The following RGS5 variants were observed in gnomAD, a reference collection of about 807,000 sequenced individuals.
The protein encoded by RGS5 is regulator of G protein signaling 5.
RGS5 carries 20 observed loss-of-function variants against 18.9 expected under a neutral mutation model. That is an observed-to-expected ratio of 1.06 (90% CI 0.74 to 1.54). The LOEUF (loss-of-function observed/expected upper bound fraction) is 1.54, where lower values mean the gene tolerates loss of function less well. Among genes scored for constraint, RGS5 ranks in the 40% most tolerant of loss-of-function variants. The pLI is 0.00. For synonymous variants in RGS5, 57 were observed against 76.2 expected (o/e 0.75, Z 1.31); for missense variants, 201 against 211.8 (o/e 0.95, Z 0.32).
chr1:163,217,539 T>C lies in RGS5; in HGVS notation c.56A>G (p.His19Arg), dbSNP rs772699704. The stretch of plus-strand genomic sequence containing the variant: ...ATTTGTACATACATTGATATGCCAA[T>C]GAGCACTGTGCATCTGTAAGATGAG... The change falls in exon 1 of 6, where the codon CAT (histidine) becomes CGT (arginine). Residue 19 changes from histidine to arginine, a missense_variant. Physicochemically the swap from His to Arg is conservative, Grantham distance 29 (BLOSUM62 0). Coordinates refer to the RGS5 transcript ENST00000367903. 1.4e-5 allele frequency: 21 copies of C among 1,543,632 alleles called. No homozygotes were observed. The South Asian group carries it at 2.3e-4, about 17-fold the overall frequency.
chr1:163,259,221 G>A (rs573433514), intron 2 of RGS5, among the ~76,000 whole-genome samples: 10 of 151,606 alleles, frequency 6.6e-5, no homozygotes, highest in African/African-American at 1.2e-4. Flanking sequence ...GCGTGATCTC[G>A]GCTCACTGCA....
intron 1 of RGS5, among the ~76,000 whole-genome samples, chr1:163,317,017 CA>C (rs1650045093): frequency 6.6e-6 from 1 of 152,170 alleles, no homozygotes; most frequent in South Asian, 2.1e-4. Flanking sequence ...TTCAATATAA[CA>C]TAAACTTTTT....
At chr1:163,216,158 C>T (rs886127218) in intron 1 of RGS5, among the ~76,000 whole-genome samples, 2 of 152,082 alleles carry the variant, frequency 1.3e-5, no homozygotes, top group Non-Finnish European at 2.9e-5. Context: ...AGAGCTTTAC[C>T]TGTGCTAATG....
At chr1:163,148,426 T>A (rs1158478240) in intron 4 of RGS5, among the ~76,000 whole-genome samples, 2 of 152,262 alleles carry the variant, frequency 1.3e-5, no homozygotes, top group East Asian at 3.9e-4. Context: ...TAACAGCAAT[T>A]AACATTTATT....
At chr1:163,156,941 A>T (rs191775571) in intron 3 of RGS5, among the ~76,000 whole-genome samples, 1 of 152,198 alleles carries the variant, frequency 6.6e-6, no homozygotes, top group African/African-American at 2.4e-5. Context: ...TTATTATAAT[A>T]ATTATTTTCA....
At chr1:163,250,214 G>C (rs187376966) in intron 2 of RGS5, among the ~76,000 whole-genome samples, 1 of 152,290 alleles carries the variant, frequency 6.6e-6, no homozygotes, top group South Asian at 2.1e-4. Flanking sequence ...CTGAGCATTA[G>C]AGAGAGAGGA....
chr1:163,214,053 C>G (rs962375384), intron 1 of RGS5, among the ~76,000 whole-genome samples: 2 of 152,020 alleles, frequency 1.3e-5, no homozygotes, highest in African/African-American at 4.8e-5. Flanking sequence ...GTCTTCAAAT[C>G]CCTCTTCTAT....
At chr1:163,150,593 T>C (rs1436386233) in intron 4 of RGS5, among the ~76,000 whole-genome samples, 3 of 152,166 alleles carry the variant, frequency 2.0e-5, no homozygotes, top group African/African-American at 7.2e-5. Flanking sequence ...AGCTAACATA[T>C]GTGCTTAGGG....
intron 2 of RGS5, among the ~76,000 whole-genome samples, chr1:163,271,850 G>A (rs1648727804): frequency 6.6e-6 from 1 of 152,128 alleles, no homozygotes. Context: ...TATGTTTAAT[G>A]TTTTTAAGAC....
intron 2 of RGS5, among the ~76,000 whole-genome samples, chr1:163,263,841 T>G (rs1216251592): frequency 6.6e-6 from 1 of 151,276 alleles, no homozygotes; most frequent in East Asian, 1.9e-4. Flanking sequence ...TTTTTTATGT[T>G]GTTTTTAAGT....
At chr1:163,206,267 G>T (rs1045124809), upstream of RGS5, among the ~76,000 whole-genome samples, 1 of 152,018 alleles carries the variant, frequency 6.6e-6, no homozygotes, top group Non-Finnish European at 1.5e-5. Context: ...AGGGCTGTGA[G>T]AAATCAATTT....
At chr1:163,222,944 C>G (rs955173924) in intron 2 of RGS5, among the ~76,000 whole-genome samples, 1 of 152,026 alleles carries the variant, frequency 6.6e-6, no homozygotes. Context: ...ACTGCAACCT[C>G]CACCTCCCAG....
At chr1:163,278,374 C>T (rs1648909496) in intron 2 of RGS5, among the ~76,000 whole-genome samples, 1 of 152,088 alleles carries the variant, frequency 6.6e-6, no homozygotes, top group Non-Finnish European at 1.5e-5. Context: ...CTATACCCAA[C>T]AAATCTATCC....
At chr1:163,160,644 C>T (rs1168526006) in intron 3 of RGS5, among the ~76,000 whole-genome samples, 1 of 152,110 alleles carries the variant, frequency 6.6e-6, no homozygotes, top group Non-Finnish European at 1.5e-5. Flanking sequence ...GCTTATGACA[C>T]CAAAAGCAAG....
At chr1:163,248,902 C>T (rs1041914102) in intron 2 of RGS5, among the ~76,000 whole-genome samples, 3 of 152,058 alleles carry the variant, frequency 2.0e-5, no homozygotes, top group Non-Finnish European at 2.9e-5. Flanking sequence ...ACCCAAATGT[C>T]GAGGAGGAAG....
intron 2 of RGS5, among the ~76,000 whole-genome samples, chr1:163,245,692 T>G (rs1253428048): frequency 1.3e-5 from 2 of 152,230 alleles, no homozygotes; most frequent in African/African-American, 4.8e-5. Context: ...TGATTATGCA[T>G]CTGTAAAATG....
rs140423636 is a variant in RGS5 at position 163,171,522 on chromosome 1, T to C, written c.45-3154A>G. Among the ~76,000 whole-genome samples, 8 of 152,322 alleles carry C rather than the reference T, an allele frequency of 5.3e-5. No individual in the cohort carries two copies. In the East Asian group the frequency reaches 1.5e-3, roughly 29 times the overall value. On this transcript the variant is annotated intron_variant, in intron 1 of 4. Coordinates refer to ENST00000313961, the MANE Select transcript of RGS5 (RefSeq NM_003617.4). ...TGAAAGTCTCTCATGTTTAGGTTTC[T>C]GTTTGGTTGGTTGTTTTGGTTTTAA...
intron 2 of RGS5, among the ~76,000 whole-genome samples, chr1:163,272,728 G>A (rs1193568577): frequency 6.6e-6 from 1 of 151,770 alleles, no homozygotes; most frequent in Non-Finnish European, 1.5e-5. Context: ...TAGATATATG[G>A]GTTTATTTCT....
rs1657004848 is a variant in RGS5, at chr1:163,143,507, A to T, written c.*3835T>A. On this transcript the variant is annotated 3_prime_UTR_variant, in exon 5 of 5. Transcript: ENST00000313961. Reference sequence around the variant, plus strand: ...AAATTTTACATCTAGCTGCATTGCAAGTCAGAAAATACCTTCCTGCAAATA... The same window carrying T: ...AAATTTTACATCTAGCTGCATTGCATGTCAGAAAATACCTTCCTGCAAATA... The T allele has an allele frequency of 6.6e-6, 1 of 152,180 alleles. No individual in the cohort carries two copies. The highest frequency in any genetic ancestry group is 2.4e-5 in the African/African-American group (1 of 41,464). The allele number at this position is 152,180 out of a possible 1,614,324, so 9.4% of individuals were successfully genotyped here.
Sources: allele counts gnomAD v4.1 joint callset (sites outside exome capture counted in the v4.1 genomes callset), GRCh38; gene constraint gnomAD v4.1.1; transcripts MANE v1.5; gene names NCBI Gene and HGNC (gene_info 2026-07-23, HGNC 2026-07-21).